Variants in UNC5C observed in about 807,000 individuals in gnomAD.
UNC5C encodes the protein unc-5 netrin receptor C.
Under a neutral mutation model 99.8 loss-of-function variants are expected in UNC5C, and 47 were observed. The observed-to-expected ratio is 0.47, with a 90% CI of 0.37 to 0.60. The LOEUF (loss-of-function observed/expected upper bound fraction) is 0.60, where lower values mean the gene tolerates loss of function less well. UNC5C is among the 20% of genes least tolerant of loss of function. The pLI is 0.00. For missense variants in UNC5C, 1,062 were observed against 1,165.9 expected (o/e 0.91, Z 1.30); for synonymous variants, 487 against 452.2 (o/e 1.08, Z -0.98).
chr4:95,270,789 T>C (rs1295556703), intron 4 of UNC5C, among the ~76,000 whole-genome samples: 3 of 152,204 alleles, frequency 2.0e-5, no homozygotes, highest in Admixed American at 2.0e-4. Context: ...CAAAATGTCA[T>C]TGAAGTGTCC....
chr4:95,428,982 C>CT (rs2149459490), intron 1 of UNC5C, among the ~76,000 whole-genome samples: 1 of 152,178 alleles, frequency 6.6e-6, no homozygotes, highest in Admixed American at 6.5e-5. Context: ...CATGGGCTGA[C>CT]TTTCAGCTTC....
intron 12 of UNC5C, among the ~76,000 whole-genome samples, chr4:95,196,517 T>C (rs1212911545): frequency 6.6e-6 from 1 of 151,806 alleles, no homozygotes; most frequent in Non-Finnish European, 1.5e-5. Flanking sequence ...ACTGCCAACA[T>C]GCTAATTCTG....
chr4:95,529,499 G>A (rs72876494), intron 1 of UNC5C, among the ~76,000 whole-genome samples: 3,520 of 151,862 alleles, frequency 0.023, 117 homozygotes, highest in African/African-American at 0.081. Flanking sequence ...GCCCAGGCAG[G>A]TACACTGCTT....
chr4:95,399,473 G>A (rs1745624034), intron 1 of UNC5C, among the ~76,000 whole-genome samples: 1 of 152,126 alleles, frequency 6.6e-6, no homozygotes, highest in African/African-American at 2.4e-5. Context: ...ACTCTTCAAT[G>A]GATTCCCATG....
intron 10 of UNC5C, among the ~76,000 whole-genome samples, chr4:95,215,091 G>GT (rs1351225435): frequency 6.6e-6 from 1 of 152,202 alleles, no homozygotes; most frequent in Non-Finnish European, 1.5e-5. Flanking sequence ...ATAAATGCCA[G>GT]TATCTCCACC....
intron 1 of UNC5C, among the ~76,000 whole-genome samples, chr4:95,356,213 CA>C (rs869165569): frequency 2.6e-5 from 2 of 78,154 alleles, no homozygotes; most frequent in South Asian, 8.4e-4. Context: ...AAAAAAAAAA[CA>C]AAACAAAAAA....
intron 1 of UNC5C, among the ~76,000 whole-genome samples, chr4:95,399,011 C>A (rs566138856): frequency 4.6e-5 from 7 of 152,118 alleles, no homozygotes; most frequent in Non-Finnish European, 8.8e-5. Context: ...AGAATCTAGT[C>A]TCTTTAATTC....
intron 1 of UNC5C, among the ~76,000 whole-genome samples, chr4:95,359,259 A>G (rs1031605771): frequency 6.6e-6 from 1 of 152,176 alleles, no homozygotes; most frequent in African/African-American, 2.4e-5. Flanking sequence ...AAAACTTGCC[A>G]AGTTGCCAAT....
chr4:95,385,733 T>C (rs1370117259), intron 1 of UNC5C, among the ~76,000 whole-genome samples: 2 of 152,176 alleles, frequency 1.3e-5, no homozygotes, highest in Non-Finnish European at 2.9e-5. Context: ...ACAGACTACA[T>C]GGAGGTTTGC....
intron 1 of UNC5C, among the ~76,000 whole-genome samples, chr4:95,432,081 C>T (rs1440740137): frequency 6.6e-6 from 1 of 151,994 alleles, no homozygotes; most frequent in African/African-American, 2.4e-5. Flanking sequence ...AGTTAAATTC[C>T]AATGAAGATA....
chr4:95,496,172 C>T (rs1721627283), intron 1 of UNC5C, among the ~76,000 whole-genome samples: 2 of 151,666 alleles, frequency 1.3e-5, no homozygotes, highest in South Asian at 4.1e-4. Context: ...AGAGTGGCAT[C>T]CTGTTCTGAC....
At chr4:95,492,549 T>C (rs1326794994) in intron 1 of UNC5C, among the ~76,000 whole-genome samples, 1 of 151,380 alleles carries the variant, frequency 6.6e-6, no homozygotes, top group Non-Finnish European at 1.5e-5. Flanking sequence ...TGTTACCTTA[T>C]GCATTAATGC....
At chr4:95,369,386 A>G (rs1244622643) in intron 1 of UNC5C, among the ~76,000 whole-genome samples, 1 of 151,592 alleles carries the variant, frequency 6.6e-6, no homozygotes, top group African/African-American at 2.4e-5. Context: ...CCCCAACTCT[A>G]CAAAAAAATA....
intron 2 of UNC5C, among the ~76,000 whole-genome samples, chr4:95,307,992 A>G (rs79388897): frequency 0.026 from 3,905 of 152,302 alleles, 156 homozygotes; most frequent in African/African-American, 0.088. Context: ...TATATATGAC[A>G]AGCCCAGACC....
chr4:95,531,163 A>G (rs1418074677), intron 1 of UNC5C, among the ~76,000 whole-genome samples: 1 of 152,198 alleles, frequency 6.6e-6, no homozygotes, highest in Non-Finnish European at 1.5e-5. Context: ...TTGTTTCCAG[A>G]GAAGTATTCT....
intron 1 of UNC5C, among the ~76,000 whole-genome samples, chr4:95,451,614 T>G (rs1465611920): frequency 1.3e-5 from 2 of 152,184 alleles, no homozygotes; most frequent in African/African-American, 4.8e-5. Flanking sequence ...CTTTTATTAG[T>G]AAGAAAGAAT....
intron 4 of UNC5C, among the ~76,000 whole-genome samples, chr4:95,258,599 A>C (rs6838035): frequency 0.079 from 12,044 of 152,062 alleles, 548 homozygotes; most frequent in African/African-American, 0.13. Flanking sequence ...GCATATTTGA[A>C]CTAATTTACT....
intron 3 of UNC5C, among the ~76,000 whole-genome samples, chr4:95,282,948 G>C (rs1428720425): frequency 6.6e-6 from 1 of 152,074 alleles, no homozygotes; most frequent in African/African-American, 2.4e-5. Context: ...TTCCATGGCT[G>C]GTCTTGGGGA....
intron 1 of UNC5C, among the ~76,000 whole-genome samples, chr4:95,341,427 G>T (rs920113263): frequency 1.1e-4 from 17 of 150,656 alleles, no homozygotes; most frequent in Non-Finnish European, 2.4e-4. Context: ...TGGCCAGTTT[G>T]TGTAGAATTA....
Sources: allele counts gnomAD v4.1 joint callset (sites outside exome capture counted in the v4.1 genomes callset), GRCh38; gene constraint gnomAD v4.1.1; transcripts MANE v1.5; gene names NCBI Gene and HGNC (gene_info 2026-07-23, HGNC 2026-07-21).